Variants in TOX2 observed in about 807,000 individuals in gnomAD.
TOX2 encodes TOX high mobility group box family member 2, also known as granulosa cell HMG box 1.
A neutral mutation model predicts 47.4 loss-of-function variants in TOX2; 15 were observed. The ratio of observed to expected loss-of-function variants is 0.32; its 90% CI spans 0.21 to 0.49. TOX2 has a LOEUF of 0.49. Ranked by LOEUF, TOX2 falls within the 20% of genes least tolerant of loss-of-function variation. The probability of loss-of-function intolerance (pLI) is 0.99; values close to 1 mark genes in which losing one functional copy is unlikely to be tolerated. For missense variants in TOX2, 622 were observed against 673.1 expected, an observed-to-expected ratio of 0.92 and a Z score of 0.84; for synonymous variants, 290 against 296.6, an observed-to-expected ratio of 0.98 and a Z score of 0.23.
chr20:43,921,297 T>C (rs2069110432), intron 1 of TOX2, among the ~76,000 whole-genome samples: 1 of 152,206 alleles, frequency 6.6e-6, no homozygotes, highest in Non-Finnish European at 1.5e-5. Flanking sequence ...TGTGATTCTG[T>C]AGGGCAATCT....
At chr20:43,979,299 G>A (rs2070132762) in intron 2 of TOX2, among the ~76,000 whole-genome samples, 1 of 152,190 alleles carries the variant, frequency 6.6e-6, no homozygotes. Flanking sequence ...AACGAGAAGA[G>A]CAGAGGACCA....
intron 3 of TOX2, among the ~76,000 whole-genome samples, chr20:44,048,897 C>G (rs775259418): frequency 1.3e-5 from 2 of 152,152 alleles, no homozygotes; most frequent in African/African-American, 2.4e-5. Flanking sequence ...AGCACTTTGG[C>G]GGGCCGAGGT....
chr20:44,029,883 G>A (rs2145683017), intron 3 of TOX2, among the ~76,000 whole-genome samples: 1 of 152,246 alleles, frequency 6.6e-6, no homozygotes, highest in Non-Finnish European at 1.5e-5. Context: ...GGCACTGATG[G>A]CCTTCACGTT....
At chr20:43,970,006 G>C (rs148919009) in intron 1 of TOX2, among the ~76,000 whole-genome samples, 3 of 152,250 alleles carry the variant, frequency 2.0e-5, no homozygotes, top group East Asian at 1.9e-4. Context: ...ACTGCTCTCT[G>C]TGGATAATTC....
At chr20:44,042,665 C>T (rs1428594324) in intron 3 of TOX2, among the ~76,000 whole-genome samples, 4 of 152,164 alleles carry the variant, frequency 2.6e-5, no homozygotes, top group African/African-American at 9.7e-5. Flanking sequence ...ACATTAAAAA[C>T]ATCATAGTGC....
At chr20:43,994,245 G>A (rs376482970) in intron 2 of TOX2, among the ~76,000 whole-genome samples, 18 of 151,988 alleles carry the variant, frequency 1.2e-4, no homozygotes, top group African/African-American at 2.7e-4. Flanking sequence ...TGGGTAGATC[G>A]CTTGAGCTCA....
In TOX2 at chr20:44,039,170, G is replaced by C. The variant is rs779840897; in HGVS notation, c.412-12136G>C. ...GAGCTCTGCCAGAGGCTTGGAAAGA[G>C]GGTGAGGCCAGAGGATGGAGCAGGA... On this transcript the variant is annotated intron_variant, in intron 3 of 8. Coordinates refer to ENST00000341197, the MANE Select transcript of TOX2 (RefSeq NM_001098797.2). 1.2e-5 allele frequency: 15 copies of C among 1,268,730 alleles called. No individual in the cohort carries two copies. The East Asian group carries it at 7.3e-4, about 61-fold the overall frequency. 78.6% of individuals were successfully genotyped at this position (1,268,730 alleles called of 1,614,324 possible). A position where few individuals can be genotyped will look rare whatever the true frequency, so the allele number is the denominator to read the frequency against.
chr20:43,969,505 G>T (rs1382349119), intron 1 of TOX2, among the ~76,000 whole-genome samples: 1 of 152,200 alleles, frequency 6.6e-6, no homozygotes, highest in Non-Finnish European at 1.5e-5. Flanking sequence ...TGAGGAGGGG[G>T]CTGCAGGGGT....
intron 3 of TOX2, among the ~76,000 whole-genome samples, chr20:44,050,911 C>T (rs758082527): frequency 6.6e-5 from 10 of 152,160 alleles, no homozygotes; most frequent in Non-Finnish European, 1.2e-4. Context: ...TAGTTAGCGT[C>T]GTCCAGCATC....
intron 1 of TOX2, among the ~76,000 whole-genome samples, chr20:43,951,029 C>T (rs1053018006): frequency 1.1e-4 from 17 of 151,982 alleles, no homozygotes; most frequent in Admixed American, 2.6e-4. Flanking sequence ...GATGGGCTCA[C>T]GTAGTCATTA....
rs185796205 is a variant in TOX2, at chr20:43,999,327, G to A, written c.166-7220G>A. Among the ~76,000 whole-genome samples, 444 of 152,150 alleles carry A rather than the reference G, an allele frequency of 2.9e-3. 2 individuals are homozygous for A. Among genetic ancestry groups the A allele is most frequent in the Non-Finnish European group, 4.7e-3 (323 of 68,006 alleles). ...TACTTTCTTTGGTTCTTCCAATGGT[G>A]TAAAATTTTTGCTTTTCCTTAAAAT... On this transcript the variant is annotated intron_variant, in intron 2 of 8. Coordinates refer to ENST00000341197, the MANE Select transcript of TOX2 (RefSeq NM_001098797.2).
intron 1 of TOX2, among the ~76,000 whole-genome samples, chr20:43,923,794 C>T (rs2069136599): frequency 6.6e-6 from 1 of 152,140 alleles, no homozygotes; most frequent in Non-Finnish European, 1.5e-5. Context: ...GGGAAGTTCT[C>T]TGCGGTGAGG....
chr20:44,002,452 C>T (rs1269919766), intron 2 of TOX2, among the ~76,000 whole-genome samples: 1 of 152,164 alleles, frequency 6.6e-6, no homozygotes, highest in Non-Finnish European at 1.5e-5. Flanking sequence ...TCAACATTGC[C>T]CTGAGAAACT....
At chr20:43,973,581 C>A in intron 2 of TOX2, 149 bp downstream of exon 2, 1 of 672,740 alleles carries the variant, frequency 1.5e-6, no homozygotes, top group Non-Finnish European at 2.6e-6. Context: ...GCAATAGTCT[C>A]CTTAAAAGGT....
intron 6 of TOX2, 103 bp from the exon 7 acceptor site, chr20:44,065,609 C>G (rs1336341304): frequency 1.4e-6 from 2 of 1,381,458 alleles, no homozygotes; most frequent in African/African-American, 2.9e-5. Flanking sequence ...AGACAGCCAG[C>G]CAGCAGCCGT....
intron 1 of TOX2, among the ~76,000 whole-genome samples, chr20:43,933,854 T>C (rs892080999): frequency 1.3e-5 from 2 of 151,748 alleles, no homozygotes; most frequent in Admixed American, 6.6e-5. Flanking sequence ...GAAAGAGGGG[T>C]TCTGGGTGGA....
At chr20:44,034,430 G>A (rs1029968358) in intron 3 of TOX2, among the ~76,000 whole-genome samples, 3 of 152,310 alleles carry the variant, frequency 2.0e-5, no homozygotes, top group Non-Finnish European at 2.9e-5. Context: ...TCAGACATAA[G>A]AATCCTCAGG....
At chr20:44,033,373 G>C (rs1168619912) in intron 3 of TOX2, among the ~76,000 whole-genome samples, 1 of 152,106 alleles carries the variant, frequency 6.6e-6, no homozygotes, top group East Asian at 1.9e-4. Flanking sequence ...CCACATCATT[G>C]ATTCTGGGCT....
At chr20:43,990,363 G>A (rs1402859337) in intron 2 of TOX2, among the ~76,000 whole-genome samples, 1 of 152,192 alleles carries the variant, frequency 6.6e-6, no homozygotes, top group Non-Finnish European at 1.5e-5. Flanking sequence ...TTTTAGGGGA[G>A]TGGATGAGCT....
Sources: gnomAD v4.1 joint callset for allele counts (sites outside exome capture counted in the v4.1 genomes callset) on GRCh38, gnomAD v4.1.1 for gene constraint, MANE v1.5 for transcripts, NCBI Gene and HGNC (gene_info 2026-07-23, HGNC 2026-07-21) for gene names.